The following MYO16 variants were observed in gnomAD, a reference collection of about 807,000 sequenced individuals.
MYO16 encodes the protein myosin XVI.
Under a neutral mutation model 205.3 loss-of-function variants are expected in MYO16, and 94 were observed. The ratio of observed to expected loss-of-function variants is 0.46; its 90% CI spans 0.39 to 0.54. The LOEUF (loss-of-function observed/expected upper bound fraction) is 0.54, where lower values mean the gene tolerates loss of function less well. MYO16 is among the 20% of genes least tolerant of loss of function. The probability of loss-of-function intolerance (pLI) is 0.00; values close to 1 mark genes in which losing one functional copy is unlikely to be tolerated. For synonymous variants in MYO16, 988 were observed against 954.0 expected (o/e 1.04, Z -0.66); for missense variants, 2,315 against 2,387.5 (o/e 0.97, Z 0.63).
intron 9 of MYO16, among the ~76,000 whole-genome samples, chr13:108,841,548 T>A (rs1877244550): frequency 1.3e-5 from 2 of 152,126 alleles, no homozygotes; most frequent in African/African-American, 2.4e-5. Flanking sequence ...TGTAAGAGAA[T>A]TTTTTTCTTT....
intron 4 of MYO16, among the ~76,000 whole-genome samples, chr13:108,746,618 T>C (rs1216385062): frequency 6.6e-6 from 1 of 152,140 alleles, no homozygotes; most frequent in Non-Finnish European, 1.5e-5. Context: ...ATAAATTTAT[T>C]AAATTGTCAC....
At chr13:108,889,906 T>C (rs531078409) in intron 14 of MYO16, among the ~76,000 whole-genome samples, 1 of 152,118 alleles carries the variant, frequency 6.6e-6, no homozygotes, top group East Asian at 1.9e-4. Context: ...AGTCTTTCTT[T>C]TTTATTTTCA....
chr13:108,712,910 G>C (rs140240843), intron 3 of MYO16, among the ~76,000 whole-genome samples, 179 bp downstream of exon 3: 3,615 of 152,266 alleles, frequency 0.024, 83 homozygotes, highest in Non-Finnish European at 0.031. Context: ...ATTGAAGTTT[G>C]TAAATAATCT....
rs773396664 is a variant in MYO16 at position 109,140,677 on chromosome 13, G to T, written c.4465G>T (p.Glu1489Ter). Reference protein sequence around the residue: ...PPLLHRAPEDEAAGPPGDACD... With the variant: ...PPLLHRAPED ...CCTGCTCCACCGCGCGCCGGAGGAC[G>T]AGGCGGCGGGGCCCCCAGGGGACGC... The change falls in exon 32 of 35, where the codon GAG becomes TAG. Residue 1489 changes from glutamate (E) to a stop codon, truncating the protein, a stop_gained. Coordinates refer to ENST00000457511, the MANE Select transcript of MYO16 (RefSeq NM_001198950.3). LOFTEE classifies it high-confidence loss of function. The surrounding 1 kb of genome is among the most constrained non-coding windows in gnomAD (Gnocchi z 8.0). 2.0e-6 allele frequency: 3 copies of T among 1,483,378 alleles called. No homozygotes were observed. Among genetic ancestry groups the T allele is most frequent in the Non-Finnish European group, 2.7e-6 (3 of 1,120,786 alleles). The allele number at this position is 1,483,378 out of a possible 1,614,324, so 91.9% of individuals were successfully genotyped here.
chr13:109,186,213 A>G (rs781097330), intron 34 of MYO16, among the ~76,000 whole-genome samples: 2 of 152,200 alleles, frequency 1.3e-5, no homozygotes, highest in Non-Finnish European at 2.9e-5. Flanking sequence ...TCGATACAAT[A>G]AGAAACTATT....
At chr13:109,067,537 A>T (rs1475624910) in intron 27 of MYO16, among the ~76,000 whole-genome samples, 22 of 152,172 alleles carry the variant, frequency 1.4e-4, no homozygotes, top group Admixed American at 1.4e-3. Flanking sequence ...ATTCTTCCAC[A>T]ATGGCGTGCT....
At chr13:109,063,691 G>C (rs1253983831) in intron 27 of MYO16, among the ~76,000 whole-genome samples, 1 of 152,140 alleles carries the variant, frequency 6.6e-6, no homozygotes, top group Non-Finnish European at 1.5e-5. Flanking sequence ...AACTAAAACA[G>C]CCGTGTTTGT....
Position 109,091,761 on chromosome 13 carries a change from T to C in MYO16, c.3336-9024T>C, listed in dbSNP as rs538297672. On this transcript the variant is annotated intron_variant, in intron 27 of 34. Transcript: ENST00000457511. ...GGTAACTCCTACGATATTCCATTTT[T>C]CTCCTTTAGTTTTTCTCTTTTTATT... Among the ~76,000 whole-genome samples, 4 of 152,332 alleles carry C rather than the reference T, an allele frequency of 2.6e-5. No individual in the cohort carries two copies. In the South Asian group the frequency reaches 8.3e-4, roughly 32 times the overall value.
At chr13:108,784,290 T>C (rs9521052) in intron 4 of MYO16, among the ~76,000 whole-genome samples, 51,842 of 152,044 alleles carry the variant, frequency 0.34, 10,058 homozygotes, top group East Asian at 0.63. Context: ...ACAAGATAAT[T>C]TGAATCTTGA....
In MYO16 at chr13:108,820,320, T is replaced by G. The variant is rs769559860; in HGVS notation, c.868-17T>G. ...CTGCCATGGTGGTTCCCATTTCAAT[T>G]ATCTTTAATATTTCAGACAAATCTG... On this transcript the variant is annotated splice_polypyrimidine_tract_variant and intron_variant, in intron 7 of 34. Coordinates refer to ENST00000457511, the MANE Select transcript of MYO16 (RefSeq NM_001198950.3). The G allele has an allele frequency of 1.3e-6, 2 of 1,568,362 alleles. No individual in the cohort carries two copies.
intron 4 of MYO16, among the ~76,000 whole-genome samples, chr13:108,781,734 G>A (rs1172136166): frequency 2.6e-5 from 4 of 152,160 alleles, no homozygotes; most frequent in Non-Finnish European, 5.9e-5. Flanking sequence ...CACTTCTTGT[G>A]GGAGGGACCC....
At chr13:109,193,118 T>G (rs780880460) in intron 34 of MYO16, among the ~76,000 whole-genome samples, 4 of 152,054 alleles carry the variant, frequency 2.6e-5, no homozygotes, top group Non-Finnish European at 5.9e-5. Flanking sequence ...TCTCTCTCTC[T>G]CCCTCTCTCT....
chr13:109,018,663 A>G (rs138548240), intron 22 of MYO16, among the ~76,000 whole-genome samples: 5,743 of 152,252 alleles, frequency 0.038, 142 homozygotes, highest in Middle Eastern at 0.065. Context: ...GCCATTTGCT[A>G]AGACCGTTGG....
chr13:108,990,036 A>G lies in MYO16; in HGVS notation c.2370-2340A>G, dbSNP rs996057673. 3.9e-5 allele frequency among the ~76,000 whole-genome samples: 6 copies of G among 152,168 alleles called. No homozygotes were observed. The South Asian group carries it at 1.0e-3, about 26-fold the overall frequency. The stretch of plus-strand genomic sequence containing the variant: ...ATATTTAAGTAACTTGTCTAAAGTT[A>G]ACCAACCCAAAAGTATTTAAACCTA... On this transcript the variant is annotated intron_variant, in intron 20 of 34. Coordinates refer to ENST00000457511, the MANE Select transcript of MYO16 (RefSeq NM_001198950.3).
the MYO16 span, among the ~76,000 whole-genome samples, chr13:108,563,537 A>G: frequency 2.0e-5 from 3 of 152,136 alleles, no homozygotes; most frequent in South Asian, 2.1e-4. Flanking sequence ...TTCTATGTCC[A>G]TAAGTTCAAT....
At chr13:109,016,639 G>C (rs1296150054) in intron 22 of MYO16, among the ~76,000 whole-genome samples, 2 of 152,078 alleles carry the variant, frequency 1.3e-5, no homozygotes, top group South Asian at 4.1e-4. Context: ...GAATCTAGGT[G>C]CTCTTGTAGT....
chr13:108,985,619 T>G (rs2139424190), intron 20 of MYO16, among the ~76,000 whole-genome samples: 1 of 152,320 alleles, frequency 6.6e-6, no homozygotes, highest in South Asian at 2.1e-4. Context: ...CTTCCTGAAG[T>G]TCTGGGCCAC....
At chr13:108,581,554 T>C in the MYO16 span, among the ~76,000 whole-genome samples, 1 of 152,104 alleles carries the variant, frequency 6.6e-6, no homozygotes, top group Admixed American at 6.6e-5. Context: ...ACTCTATTCC[T>C]ACTCTCTCTC....
rs1347915341 is a variant in MYO16 at position 108,964,849 on chromosome 13, C to T, written c.2316C>T (p.Ser772=). 1 of 1,612,064 alleles carries T rather than the reference C, an allele frequency of 6.2e-7. No individual in the cohort carries two copies. The highest frequency in any genetic ancestry group is 1.7e-5 in the Admixed American group (1 of 59,964). ...LAKSLYSRLF[S]FLVNTMNSCL... ...AGTCCCTGTACAGTCGTTTGTTTAGCTTTTTGGTGAATACCATGAATTCTT... is the reference window on the plus strand; with the variant it reads ...AGTCCCTGTACAGTCGTTTGTTTAGTTTTTTGGTGAATACCATGAATTCTT... Residue 772 remains serine (S), a synonymous_variant, in exon 20 of 35, where the codon AGC becomes AGT. Transcript: ENST00000457511.
Sources: allele counts gnomAD v4.1 joint callset (sites outside exome capture counted in the v4.1 genomes callset), GRCh38; gene constraint gnomAD v4.1.1; non-coding constraint Gnocchi (gnomAD v3.1); transcripts MANE v1.5; gene names NCBI Gene and HGNC (gene_info 2026-07-23, HGNC 2026-07-21).